Variants in ITGB2 observed in about 807,000 individuals in gnomAD.
The protein encoded by ITGB2 is integrin beta-2.
In ITGB2, 56 loss-of-function variants were observed where a neutral mutation model predicts 86.8. The ratio of observed to expected loss-of-function variants is 0.65; its 90% CI spans 0.52 to 0.81. The LOEUF (loss-of-function observed/expected upper bound fraction) is 0.81. ITGB2 is among the 30% of genes least tolerant of loss of function. The probability of loss-of-function intolerance (pLI) is 0.00; values close to 1 mark genes in which losing one functional copy is unlikely to be tolerated. For missense variants in ITGB2, 948 were observed against 1,061.2 expected (o/e 0.89, Z 1.48); for synonymous variants, 457 against 450.4 (o/e 1.01, Z -0.19).
intron 8 of ITGB2, among the ~76,000 whole-genome samples, chr21:44,895,651 G>A (rs1181550952): frequency 6.6e-6 from 1 of 152,098 alleles, no homozygotes; most frequent in African/African-American, 2.4e-5. Context: ...GACCAGCCTG[G>A]CCAACATGGT....
chr21:44,924,696 C>T (rs2084349556), upstream of ITGB2, among the ~76,000 whole-genome samples: 1 of 152,070 alleles, frequency 6.6e-6, no homozygotes, highest in African/African-American at 2.4e-5. Context: ...AGAAAAAAAA[C>T]AGCACTCCTG....
intron 10 of ITGB2, chr21:44,893,098 G>T: frequency 2.7e-6 from 1 of 366,378 alleles, no homozygotes; most frequent in Non-Finnish European, 5.3e-6. Flanking sequence ...TCACTGAGAA[G>T]CACCCTCTCG....
At chr21:44,895,084 T>C in intron 8 of ITGB2, 24 bp from the exon 9 acceptor site, 3 of 1,570,932 alleles carry the variant, frequency 1.9e-6, no homozygotes, top group Middle Eastern at 1.7e-4. Flanking sequence ...AGACCAGACA[T>C]GGCACGGCTA....
At chr21:44,914,727 A>C (rs1484980477) in intron 1 of ITGB2, among the ~76,000 whole-genome samples, 1 of 152,178 alleles carries the variant, frequency 6.6e-6, no homozygotes, top group African/African-American at 2.4e-5. Flanking sequence ...GTTTGAGAGC[A>C]GCCTGGGCAA....
At chr21:44,916,761 G>C (rs1023017997) in intron 1 of ITGB2, among the ~76,000 whole-genome samples, 1 of 151,788 alleles carries the variant, frequency 6.6e-6, no homozygotes, top group Non-Finnish European at 1.5e-5. Flanking sequence ...CCAGCTACTC[G>C]CGAGGCTGAG....
intron 1 of ITGB2, among the ~76,000 whole-genome samples, chr21:44,918,262 C>T (rs1224025968): frequency 5.3e-5 from 8 of 152,360 alleles, no homozygotes; most frequent in Non-Finnish European, 8.8e-5. Flanking sequence ...GGCAGGACCA[C>T]GGTTCTCTGA....
At chr21:44,904,037 G>A (rs76848101) in intron 4 of ITGB2, among the ~76,000 whole-genome samples, 154 of 152,294 alleles carry the variant, frequency 1.0e-3, no homozygotes, top group African/African-American at 3.6e-3. Flanking sequence ...TCACACGTGC[G>A]GTTGTGTAGC....
chr21:44,915,064 AC>A (rs1180854746), intron 1 of ITGB2, among the ~76,000 whole-genome samples: 1 of 152,126 alleles, frequency 6.6e-6, no homozygotes, highest in African/African-American at 2.4e-5. Flanking sequence ...TTGCGCTGTC[AC>A]CGGCCTGGAG....
chr21:44,892,056 C>G, intron 10 of ITGB2, 60 bp from the exon 11 acceptor site: 1 of 1,548,806 alleles, frequency 6.5e-7, no homozygotes, highest in Non-Finnish European at 8.8e-7. Context: ...CAGCCCAGCT[C>G]CCAACCCTCA....
chr21:44,919,741 C>G (rs967249891), intron 1 of ITGB2, among the ~76,000 whole-genome samples: 1 of 152,234 alleles, frequency 6.6e-6, no homozygotes, highest in Non-Finnish European at 1.5e-5. Flanking sequence ...TCCTTCTCCC[C>G]ACCCAGGAAC....
intron 13 of ITGB2, 59 bp from the exon 14 acceptor site, chr21:44,888,954 G>A (rs1227100058): frequency 1.9e-6 from 3 of 1,539,628 alleles, no homozygotes; most frequent in East Asian, 2.3e-5. Context: ...CGGCAACGGG[G>A]GCTCGGGCTT....
rs111932178 is a variant in ITGB2 at position 44,908,406 on chromosome 21, T to A, written c.148-1311A>T. Among the ~76,000 whole-genome samples, 1,222 of 151,792 alleles carry A rather than the reference T, an allele frequency of 8.1e-3. 15 individuals carry two copies. Among genetic ancestry groups the A allele is most frequent in the African/African-American group, 0.026 (1,090 of 41,368 alleles). On this transcript the variant is annotated intron_variant, in intron 3 of 15. Coordinates refer to ENST00000652462, the MANE Select transcript of ITGB2 (RefSeq NM_000211.5). Reference sequence around the variant, plus strand: ...CCTGGTGGTTAAACTAATAATATTATTATTATTATTATTATTAACCCCTGA... The same window carrying A: ...CCTGGTGGTTAAACTAATAATATTAATATTATTATTATTATTAACCCCTGA...
chr21:44,918,788 G>A (rs1343138073), intron 1 of ITGB2, among the ~76,000 whole-genome samples: 1 of 152,224 alleles, frequency 6.6e-6, no homozygotes, highest in African/African-American at 2.4e-5. Flanking sequence ...CAGGTGAGAA[G>A]CTCCAGGCTC....
intron 4 of ITGB2, among the ~76,000 whole-genome samples, chr21:44,905,456 G>A (rs905128752): frequency 1.3e-5 from 2 of 151,906 alleles, no homozygotes; most frequent in East Asian, 1.9e-4. Context: ...CCACTCAGGC[G>A]CACCCCCACC....
At chr21:44,899,790 G>A (rs983054127) in intron 7 of ITGB2, among the ~76,000 whole-genome samples, 2 of 152,194 alleles carry the variant, frequency 1.3e-5, no homozygotes, top group African/African-American at 4.8e-5. Flanking sequence ...GTGCATCCTG[G>A]GCTCCTTCTC....
chr21:44,916,901 T>G (rs1243418333), intron 1 of ITGB2, among the ~76,000 whole-genome samples: 1 of 144,110 alleles, frequency 6.9e-6, no homozygotes, highest in Admixed American at 6.9e-5. Context: ...AGGGGGAAAA[T>G]AGCAAGAAGA....
rs780567712 is a variant in ITGB2, at chr21:44,893,390, G to C, written c.1224+14C>G. The C allele has an allele frequency of 1.2e-6, 2 of 1,613,476 alleles. No homozygotes were observed. Among genetic ancestry groups the C allele is most frequent in the Non-Finnish European group, 1.7e-6 (2 of 1,179,708 alleles). On this transcript the variant is annotated intron_variant, in intron 10 of 15. Transcript: ENST00000652462. ...TCAGCAAGCTGGGATGGGGACCCTT[G>C]TGGCCAGGCTCACCGGGACATTGAT...
At chr21:44,889,917 C>A (rs1314186193) in intron 12 of ITGB2, 61 bp downstream of exon 12, 2 of 1,604,898 alleles carry the variant, frequency 1.2e-6, no homozygotes, top group East Asian at 2.2e-5. Context: ...CAGAACGCAC[C>A]CCCCAACACC....
intron 1 of ITGB2, chr21:44,926,733 A>T (rs2084377798): frequency 6.6e-6 from 1 of 152,282 alleles, no homozygotes; most frequent in African/African-American, 2.4e-5. Flanking sequence ...CTGGAGCAGG[A>T]TTCTGGGAAC....
Sources: gnomAD v4.1 joint callset for allele counts (sites outside exome capture counted in the v4.1 genomes callset) on GRCh38, gnomAD v4.1.1 for gene constraint, MANE v1.5 for transcripts, NCBI Gene and HGNC (gene_info 2026-07-23, HGNC 2026-07-21) for gene names.